The following SLC4A1 variants were observed in gnomAD, a reference collection of about 807,000 sequenced individuals.
SLC4A1 encodes the protein solute carrier family 4 member 1 (Diego blood group).
In SLC4A1, 29 loss-of-function variants were observed where a neutral mutation model predicts 93.1. That is an observed-to-expected ratio of 0.31 (90% CI 0.23 to 0.42). The LOEUF is 0.42. SLC4A1 is among the 20% of genes least tolerant of loss of function. The pLI, the probability that SLC4A1 is intolerant of heterozygous loss-of-function variation, is 1.00. For synonymous variants in SLC4A1, 469 were observed against 497.2 expected (o/e 0.94, Z 0.76); for missense variants, 965 against 1,190.1 (o/e 0.81, Z 2.78).
chr17:44,262,408 C>G (rs980545206), intron 3 of SLC4A1, among the ~76,000 whole-genome samples: 1 of 152,246 alleles, frequency 6.6e-6, no homozygotes, highest in Non-Finnish European at 1.5e-5. Flanking sequence ...GCCCGCCCTT[C>G]TCACATTGCA....
At position 44,260,776 on chromosome 17, in the gene SLC4A1, T is replaced by G. The variant is rs2047437149; in HGVS notation, c.208A>C (p.Asn70His). ...GCCTCCATCCATCTCAGCTCCTGGT[T>G]CTTTTCGTCCATCACCAGCTCCTGC... ...ELQELVMDEK[N>H]QELRWMEAAR... The change falls in exon 5 of 20, where the codon AAC becomes CAC. Residue 70 changes from asparagine (N) to histidine (H), a missense_variant. Transcript: ENST00000262418. 6.2e-7 allele frequency: 1 copy of G among 1,613,600 alleles called. No individual in the cohort carries two copies. The highest frequency in any genetic ancestry group is 8.5e-7 in the Non-Finnish European group (1 of 1,180,026).
intron 1 of SLC4A1, among the ~76,000 whole-genome samples, chr17:44,264,731 T>A (rs2047480854): frequency 6.6e-6 from 1 of 152,142 alleles, no homozygotes; most frequent in Non-Finnish European, 1.5e-5. Flanking sequence ...AAGAGGCCTC[T>A]GAGCTCGGGG....
Position 44,258,607 on chromosome 17 carries a change from G to C in SLC4A1, c.893C>G (p.Ala298Gly). The C allele has an allele frequency of 6.2e-7, 1 of 1,602,832 alleles. No individual in the cohort carries two copies. Among genetic ancestry groups the C allele is most frequent in the Non-Finnish European group, 8.5e-7 (1 of 1,175,428 alleles). Residue 298 changes from alanine (A) to glycine (G), a missense_variant, in exon 10 of 20, where the codon GCC becomes GGC. By Grantham distance (60) the Ala-to-Gly change is moderately conservative (BLOSUM62 0). Around this residue, in one of 2 missense-constraint regions of SLC4A1, gnomAD observed 770 missense variants for 1,006.6 expected, o/e 0.76. Transcript: ENST00000262418. This position sits in a 1 kb window ranked among gnomAD's most constrained non-coding sequence, Gnocchi z 6.1. ...LMSERVFRID[A>G]YMAQSRGELL... Reference sequence around the variant, plus strand: ...CTCCCCTCGGCTCTGAGCCATGTAGGCATCTATGCGGAACACCTAGGGGCA... The same window carrying C: ...CTCCCCTCGGCTCTGAGCCATGTAGCCATCTATGCGGAACACCTAGGGGCA...
At chr17:44,267,811 C>T (rs886532552) in intron 1 of SLC4A1, among the ~76,000 whole-genome samples, 6 of 152,124 alleles carry the variant, frequency 3.9e-5, no homozygotes, top group South Asian at 2.1e-4. Flanking sequence ...CCGCAACACA[C>T]GCACCGGAGC....
intron 13 of SLC4A1, among the ~76,000 whole-genome samples, chr17:44,256,993 CT>C (rs1279174931): frequency 0.04 from 5,625 of 142,134 alleles, 98 homozygotes; most frequent in Middle Eastern, 0.065. Context: ...ATGGCTCAGT[CT>C]TTTTTTTTTT....
rs45583834 is a variant in SLC4A1 at position 44,261,114 on chromosome 17, G to A, written c.169-299C>T. Reference sequence around the variant, plus strand: ...CTAAAGGGGACTTTGGAGTCATTGGGTCAGTCTCCAGCCTCTAAGATTGTT... The same window carrying A: ...CTAAAGGGGACTTTGGAGTCATTGGATCAGTCTCCAGCCTCTAAGATTGTT... On this transcript the variant is annotated intron_variant, in intron 4 of 19. Coordinates refer to ENST00000262418, the MANE Select transcript of SLC4A1 (RefSeq NM_000342.4). Among the ~76,000 whole-genome samples the A allele has an allele frequency of 0.097, 14,837 of 152,266 alleles. 824 individuals are homozygous for A. Among genetic ancestry groups the A allele is most frequent in the African/African-American group, 0.15 (6,131 of 41,538 alleles).
In SLC4A1 at chr17:44,248,849, GTTTTTTTTTTTT is replaced by G. The variant is rs57466226; in HGVS notation, c.*1597_*1608del. ...GCCCCCAAGGCTGATGTTTCCTTCCGTTTTTTTTTTTTTTTTTTTTTTTTTTTTGAGACAGGG... is the reference window on the plus strand; with the variant it reads ...GCCCCCAAGGCTGATGTTTCCTTCCGTTTTTTTTTTTTTTTTGAGACAGGG... On this transcript the variant is annotated 3_prime_UTR_variant, in exon 20 of 20. Coordinates refer to ENST00000262418, the MANE Select transcript of SLC4A1 (RefSeq NM_000342.4). 44 of 71,764 alleles carry G rather than the reference GTTTTTTTTTTTT, an allele frequency of 6.1e-4. No homozygotes were observed. The highest frequency in any genetic ancestry group is 1.2e-3 in the South Asian group (4 of 3,450). The allele number at this position is 71,764 out of a possible 1,614,324, so 4.4% of individuals were successfully genotyped here.
In SLC4A1 at chr17:44,251,411, T is replaced by C; in HGVS notation, c.2481+8A>G. On this transcript the variant is annotated splice_region_variant and intron_variant, in intron 18 of 19. Transcript: ENST00000262418. ...CCCAGGCTGGGCAGCCAGAAAAGGGTCCTGTACCCGCTTGACGTAGGGCAC... is the reference window on the plus strand; with the variant it reads ...CCCAGGCTGGGCAGCCAGAAAAGGGCCCTGTACCCGCTTGACGTAGGGCAC... 6.2e-7 allele frequency: 1 copy of C among 1,614,138 alleles called. No homozygotes were observed. The highest frequency in any genetic ancestry group is 1.3e-5 in the African/African-American group (1 of 75,024).
chr17:44,257,151 C>G (rs1421081323), intron 13 of SLC4A1, among the ~76,000 whole-genome samples, 199 bp downstream of exon 13: 1 of 152,070 alleles, frequency 6.6e-6, no homozygotes, highest in Non-Finnish European at 1.5e-5. Flanking sequence ...GCCACCACAT[C>G]TGGCTGATTT....
intron 13 of SLC4A1, 101 bp downstream of exon 13, chr17:44,257,249 C>A (rs890138270): frequency 2.5e-6 from 3 of 1,211,578 alleles, no homozygotes; most frequent in Non-Finnish European, 3.7e-6. Flanking sequence ...GCCTCGGCCT[C>A]CCAAAGTTCT....
Position 44,248,656 on chromosome 17 carries a change from A to G in SLC4A1, c.*1802T>C, listed in dbSNP as rs1361194466. On this transcript the variant is annotated 3_prime_UTR_variant, in exon 20 of 20. Coordinates refer to ENST00000262418, the MANE Select transcript of SLC4A1 (RefSeq NM_000342.4). ...CAAGGTAGGTACCATTATCATCCCCATTTTACAGACGAGGAAACTGAACTG... is the reference window on the plus strand; with the variant it reads ...CAAGGTAGGTACCATTATCATCCCCGTTTTACAGACGAGGAAACTGAACTG... 6.5e-6 allele frequency: 1 copy of G among 153,924 alleles called. No homozygotes were observed. Among genetic ancestry groups the G allele is most frequent in the African/African-American group, 2.4e-5 (1 of 41,288 alleles). 9.5% of individuals were successfully genotyped at this position (153,924 alleles called of 1,614,324 possible).
chr17:44,257,542 G>C lies in SLC4A1; in HGVS notation c.1434C>G (p.Phe478Leu). The change falls in exon 13 of 20, where the codon TTC (phenylalanine) becomes TTG (leucine). Residue 478 changes from phenylalanine (F) to leucine (L), a missense_variant and splice_region_variant. Physicochemically the swap from Phe to Leu is conservative, Grantham distance 22. Around this residue, in one of 2 missense-constraint regions of SLC4A1, gnomAD observed 770 missense variants for 1,006.6 expected, o/e 0.76. Transcript: ENST00000262418. ...TGTACTCTAGACCGTTGGTCTCGCA[G>C]AACTGCAGGGTGGTCAGAAGAAGCC... is the stretch of plus-strand genomic sequence containing the variant. ...LLVFEEAFFS[F>L]CETNGLEYIV... is the part of the protein sequence containing the mutation. 6.2e-7 allele frequency: 1 copy of C among 1,614,026 alleles called. No individual in the cohort carries two copies. Among genetic ancestry groups the C allele is most frequent in the Non-Finnish European group, 8.5e-7 (1 of 1,180,022 alleles).
chr17:44,267,415 A>G (rs1389065724), intron 1 of SLC4A1, among the ~76,000 whole-genome samples: 1 of 152,242 alleles, frequency 6.6e-6, no homozygotes, highest in African/African-American at 2.4e-5. Flanking sequence ...TGCCTAGCAT[A>G]TAAGGAGCGC....
In SLC4A1 at chr17:44,260,679, A is replaced by C; in HGVS notation, c.305T>G (p.Leu102Arg). The C allele has an allele frequency of 6.2e-7, 1 of 1,614,126 alleles. No homozygotes were observed. Among genetic ancestry groups the C allele is most frequent in the African/African-American group, 1.3e-5 (1 of 75,024 alleles). ...GAWGRPHLSH[L>R]TFWSLLELRR... The stretch of plus-strand genomic sequence containing the variant: ...CAGCTCTAGGAGGCTCCAGAAGGTG[A>C]GGTGAGAGAGGTGCGGGCGGCCCCA... Residue 102 changes from leucine (L) to arginine (R), a missense_variant, in exon 5 of 20, where the codon CTC becomes CGC. Physicochemically the swap from Leu to Arg is moderately radical, Grantham distance 102 (BLOSUM62 -2). Transcript: ENST00000262418.
chr17:44,264,543 A>C (rs1598304483), intron 1 of SLC4A1, among the ~76,000 whole-genome samples: 2 of 152,342 alleles, frequency 1.3e-5, no homozygotes, highest in South Asian at 4.1e-4. Context: ...TTTGGAAGGG[A>C]AACTACCTGA....
At chr17:44,255,917 C>G in intron 13 of SLC4A1, 71 bp from the exon 14 acceptor site, 1 of 1,399,318 alleles carries the variant, frequency 7.1e-7, no homozygotes, top group South Asian at 1.2e-5. Context: ...CACCAGCTAA[C>G]TCTACCCAGC....
chr17:44,252,932 G>T (rs996492473), intron 17 of SLC4A1, among the ~76,000 whole-genome samples, 186 bp downstream of exon 17: 1 of 152,192 alleles, frequency 6.6e-6, no homozygotes, highest in Non-Finnish European at 1.5e-5. Flanking sequence ...CAGACGCCCA[G>T]CCCAGTGCCT....
chr17:44,250,686 G>T (rs2047330491), intron 19 of SLC4A1, 148 bp from the exon 20 acceptor site: 3 of 684,026 alleles, frequency 4.4e-6, no homozygotes, highest in Admixed American at 4.3e-5. Flanking sequence ...CCAGCAGCTA[G>T]GACTGGCCTA....
At chr17:44,254,417 T>A in intron 16 of SLC4A1, 79 bp downstream of exon 16, 1 of 1,418,916 alleles carries the variant, frequency 7.0e-7, no homozygotes, top group Non-Finnish European at 9.8e-7. Flanking sequence ...GTCCTGGGTC[T>A]CTTGCCTGCC....
Sources: gnomAD v4.1 joint callset for allele counts (sites outside exome capture counted in the v4.1 genomes callset) on GRCh38, gnomAD v4.1.1 for gene constraint, gnomAD v4.1.1 regional missense constraint, Gnocchi (gnomAD v3.1) non-coding constraint, MANE v1.5 for transcripts, NCBI Gene and HGNC (gene_info 2026-07-23, HGNC 2026-07-21) for gene names.